A2M: variants seen among roughly 807,000 people sequenced by gnomAD.
A2M encodes alpha-2-macroglobulin, also known as C3 and PZP-like alpha-2-macroglobulin domain-containing protein 5.
A2M carries 128 observed loss-of-function variants against 183.9 expected under a neutral mutation model. The ratio of observed to expected loss-of-function variants is 0.70; its 90% confidence interval spans 0.60 to 0.81. A2M has a LOEUF of 0.81. Among genes scored for constraint, A2M ranks in the 30% least tolerant of loss-of-function variants. The pLI is 0.00. For synonymous variants in A2M, 592 were observed against 670.8 expected (o/e 0.88, Z 1.81); for missense variants, 1,495 against 1,787.6 (o/e 0.84, Z 2.95).
At chr12:9,098,896 T>G (rs1481916006) in intron 14 of A2M, 140 bp from the exon 15 acceptor site, 2 of 827,452 alleles carry the variant, frequency 2.4e-6, no homozygotes, top group Non-Finnish European at 3.7e-6. Flanking sequence ...GTGTCAATCC[T>G]GAAGCTTTTT....
At chr12:9,088,050 C>T (rs779807081) in intron 22 of A2M, among the ~76,000 whole-genome samples, 17 of 152,164 alleles carry the variant, frequency 1.1e-4, no homozygotes, top group African/African-American at 4.1e-4. Flanking sequence ...CCTAGATCTA[C>T]AATTTAACAT....
chr12:9,086,379 C>A (rs1039682496), intron 22 of A2M, among the ~76,000 whole-genome samples: 142 of 152,200 alleles, frequency 9.3e-4, no homozygotes, highest in African/African-American at 3.3e-3. Flanking sequence ...ACTAAACCAA[C>A]CAACCAACCA....
chr12:9,072,259 T>G, intron 31 of A2M, 100 bp downstream of exon 31: 1 of 1,388,668 alleles, frequency 7.2e-7, no homozygotes, highest in Non-Finnish European at 9.9e-7. Context: ...TTGTGAATAG[T>G]GCAAATATCT....
At position 9,072,864 on chromosome 12, in the gene A2M, A is replaced by G; in HGVS notation, c.3764T>C (p.Val1255Ala). The change falls in exon 30 of 36, where the codon GTG becomes GCG. Residue 1255 changes from valine (V) to alanine (A), a missense_variant. Val to Ala is a moderately conservative substitution (Grantham distance 64). Transcript: ENST00000318602. ...TTTGGACAGAGCATGGAGAGCCACC[A>G]CTGTGTCCTGTTAGAGACAGATGAG... ...QGGFSSTQDTVVALHALSKYG... is the reference protein window; with the variant it reads ...QGGFSSTQDTAVALHALSKYG... 2 of 1,613,714 alleles carry G rather than the reference A, an allele frequency of 1.2e-6. No individual in the cohort carries two copies. The highest frequency in any genetic ancestry group is 1.7e-6 in the Non-Finnish European group (2 of 1,179,758).
rs1354827597 is a variant in A2M at position 9,076,797 on chromosome 12, T to C, written c.3491A>G (p.Lys1164Arg). Residue 1164 changes from lysine to arginine, a missense_variant, in exon 28 of 36, where the codon AAG becomes AGG. Coordinates refer to ENST00000318602, the MANE Select transcript of A2M (RefSeq NM_000014.6). ...CTCATTAAGTGACTTGAGTACTTCC[T>C]TCCTCTTGTCCTGGTTACCTGCCAG... is the stretch of plus-strand genomic sequence containing the variant. Reference protein sequence around the residue: ...FALAGNQDKRKEVLKSLNEEA... With the variant: ...FALAGNQDKRREVLKSLNEEA... The C allele has an allele frequency of 6.2e-7, 1 of 1,614,010 alleles. No homozygotes were observed. Among genetic ancestry groups the C allele is most frequent in the Admixed American group, 1.7e-5 (1 of 60,022 alleles).
chr12:9,105,516 AT>A (rs1340553548), intron 10 of A2M, among the ~76,000 whole-genome samples: 1 of 152,190 alleles, frequency 6.6e-6, no homozygotes, highest in Non-Finnish European at 1.5e-5. Context: ...TAACATTTAC[AT>A]TAAGAAAATG....
chr12:9,092,821 A>T (rs980022076), intron 18 of A2M, among the ~76,000 whole-genome samples: 2 of 152,252 alleles, frequency 1.3e-5, no homozygotes, highest in African/African-American at 4.8e-5. Context: ...TTTGGTGTTC[A>T]TTACAGCATT....
At chr12:9,074,351 C>T (rs757293398) in intron 29 of A2M, among the ~76,000 whole-genome samples, 2 of 152,184 alleles carry the variant, frequency 1.3e-5, no homozygotes, top group South Asian at 2.1e-4. Context: ...AATAACACAG[C>T]GATGGGGTGC....
In A2M at chr12:9,072,567, G is replaced by A. The variant is rs143774182; in HGVS notation, c.3976-81C>T. Reference sequence around the variant, plus strand: ...ACGTCCCTAACCCTTTCTCTGATCTGTCCCATTGTTTTCTGAGTTAGGACT... The same window carrying A: ...ACGTCCCTAACCCTTTCTCTGATCTATCCCATTGTTTTCTGAGTTAGGACT... On this transcript the variant is annotated intron_variant, in intron 30 of 35. Transcript: ENST00000318602. 3,521 of 1,599,500 alleles carry A rather than the reference G, an allele frequency of 2.2e-3. 10 individuals carry two copies. The highest frequency in any genetic ancestry group is 3.1e-3 in the South Asian group (281 of 89,264).
At chr12:9,097,203 T>G (rs758532562) in intron 15 of A2M, among the ~76,000 whole-genome samples, 13 of 152,222 alleles carry the variant, frequency 8.5e-5, no homozygotes, top group Admixed American at 2.0e-4. Context: ...ACTGTTGAAA[T>G]GTACTTGATG....
intron 22 of A2M, among the ~76,000 whole-genome samples, chr12:9,085,237 T>C (rs115889252): frequency 0.024 from 3,676 of 152,182 alleles, 139 homozygotes; most frequent in African/African-American, 0.083. Context: ...TTCTCCAAGA[T>C]AGATCATATT....
intron 22 of A2M, among the ~76,000 whole-genome samples, chr12:9,082,858 T>G (rs888150533): frequency 6.6e-6 from 1 of 152,210 alleles, no homozygotes; most frequent in Non-Finnish European, 1.5e-5. Flanking sequence ...GAAACGATTG[T>G]GAATAGTGCC....
Position 9,109,337 on chromosome 12 carries a change from C to T in A2M, c.742G>A (p.Val248Ile). 2 of 1,612,678 alleles carry T rather than the reference C, an allele frequency of 1.2e-6. No homozygotes were observed. Among genetic ancestry groups the T allele is most frequent in the East Asian group, 2.2e-5 (1 of 44,846 alleles). ...TGAACTCACAGGCCACACACTGATA[C>T]ATTCATCTCTTCTTCCAAGATGGTG... ...IITILEEEMN[V>I]SVCGLYTYGK... The change falls in exon 7 of 36, where the codon GTA becomes ATA. Residue 248 changes from valine (V) to isoleucine (I), a missense_variant. Coordinates refer to ENST00000318602, the MANE Select transcript of A2M (RefSeq NM_000014.6).
intron 22 of A2M, among the ~76,000 whole-genome samples, chr12:9,084,890 T>G (rs1394798552): frequency 6.6e-6 from 1 of 151,984 alleles, no homozygotes; most frequent in Non-Finnish European, 1.5e-5. Context: ...ATACTTATAT[T>G]CAACAAAACA....
At position 9,072,666 on chromosome 12, in the gene A2M, C is replaced by T. The variant is rs1470081414; in HGVS notation, c.3962G>A (p.Cys1321Tyr). 8.1e-6 allele frequency: 13 copies of T among 1,614,176 alleles called. No homozygotes were observed. The highest frequency in any genetic ancestry group is 1.0e-5 in the Non-Finnish European group (12 of 1,180,006). ...CAAGAGTCTCACCTGGAGGTAGACA[C>T]ATCCTTCTCCTGTCACTTTCATGCT... The part of the protein sequence containing the change: ...EYSMKVTGEG[C>Y]VYLQTSLKYN... Residue 1321 changes from cysteine (C) to tyrosine (Y), a missense_variant, in exon 30 of 36, where the codon TGT becomes TAT. Physicochemically the swap from Cys to Tyr is radical, Grantham distance 194. Transcript: ENST00000318602.
intron 17 of A2M, 112 bp from the exon 18 acceptor site, chr12:9,093,691 T>C: frequency 3.3e-6 from 2 of 608,094 alleles, no homozygotes; most frequent in South Asian, 3.5e-5. Context: ...TCTGATGAAA[T>C]AGAGAGGAAG....
rs16917975 is a variant in A2M at position 9,074,388 on chromosome 12, C to T, written c.3756+172G>A. On this transcript the variant is annotated intron_variant, in intron 29 of 35. Transcript: ENST00000318602. ...GGGATTCTGAGCATTTCCTTTTGGC[C>T]CTCTTTGACTTTGATTTGCTTTTAT... 1.0e-2 allele frequency among the ~76,000 whole-genome samples: 1,520 copies of T among 152,170 alleles called. 25 individuals are homozygous for T. Among genetic ancestry groups the T allele is most frequent in the African/African-American group, 0.034 (1,421 of 41,512 alleles).
chr12:9,107,760 C>G (rs1191637251), intron 7 of A2M, 116 bp from the exon 8 acceptor site: 8 of 1,161,952 alleles, frequency 6.9e-6, no homozygotes, highest in African/African-American at 1.5e-5. Context: ...TCCCTCTGCT[C>G]TCTGCTGGGC....
chr12:9,079,984 GAAGA>G (rs1484554825), intron 23 of A2M, 106 bp downstream of exon 23: 1 of 926,818 alleles, frequency 1.1e-6, no homozygotes, highest in Admixed American at 3.2e-5. Context: ...AAGAAGAAGA[GAAGA>G]AAGAAGTTAA....
Sources: allele counts gnomAD v4.1 joint callset (sites outside exome capture counted in the v4.1 genomes callset), GRCh38; gene constraint gnomAD v4.1.1; transcripts MANE v1.5; gene names NCBI Gene and HGNC (gene_info 2026-07-23, HGNC 2026-07-21).